Variants in DENND2B observed in about 807,000 individuals in gnomAD.
The protein encoded by DENND2B is DENN domain-containing protein 2B.
Under a neutral mutation model 116.0 loss-of-function variants are expected in DENND2B, and 32 were observed. That is an observed-to-expected ratio of 0.28 (90% CI 0.21 to 0.37). DENND2B has a LOEUF of 0.37. Ranked by LOEUF, DENND2B falls within the 10% of genes least tolerant of loss-of-function variation. The pLI, the probability that DENND2B is intolerant of heterozygous loss-of-function variation, is 1.00. For synonymous variants in DENND2B, 588 were observed against 583.9 expected (o/e 1.01, Z -0.10); for missense variants, 1,276 against 1,477.7 (o/e 0.86, Z 2.24).
At chr11:8,766,745 C>G (rs1213475873) in intron 1 of DENND2B, 1 of 1,212,542 alleles carries the variant, frequency 8.2e-7, no homozygotes, top group East Asian at 5.7e-5. Flanking sequence ...CAATAGTCAA[C>G]TGTTGTGATG....
upstream of DENND2B, chr11:8,811,043 T>G (rs2061349413): frequency 2.7e-6 from 1 of 367,676 alleles, no homozygotes; most frequent in South Asian, 1.5e-4. Context: ...TTTTTATAAC[T>G]TGGAAGAATC....
intron 3 of DENND2B, among the ~76,000 whole-genome samples, chr11:8,842,225 T>C (rs966087042): frequency 1.3e-5 from 2 of 152,228 alleles, no homozygotes; most frequent in Admixed American, 6.5e-5. Flanking sequence ...TTAGAGACTT[T>C]TTTAAAAACA....
intron 4 of DENND2B, among the ~76,000 whole-genome samples, chr11:8,834,538 C>T (rs2062343541): frequency 6.6e-6 from 1 of 152,222 alleles, no homozygotes; most frequent in Admixed American, 6.5e-5. Flanking sequence ...GTGTGACACA[C>T]AGTGCGAAAA....
chr11:8,822,870 A>G (rs1290576654), intron 4 of DENND2B, among the ~76,000 whole-genome samples: 1 of 152,244 alleles, frequency 6.6e-6, no homozygotes, highest in Non-Finnish European at 1.5e-5. Flanking sequence ...GTGCTCAAAA[A>G]ATATTTCTTA....
upstream of DENND2B, among the ~76,000 whole-genome samples, chr11:8,815,533 C>A (rs531688518): frequency 6.6e-6 from 1 of 152,262 alleles, no homozygotes; most frequent in African/African-American, 2.4e-5. Context: ...TTTTCCTCTC[C>A]CTCCCTCTAT....
chr11:8,802,454 G>A (rs2060439485), intron 1 of DENND2B, among the ~76,000 whole-genome samples: 1 of 152,198 alleles, frequency 6.6e-6, no homozygotes, highest in African/African-American at 2.4e-5. Context: ...ATGAGATAAT[G>A]CTACCACTGC....
intron 2 of DENND2B, among the ~76,000 whole-genome samples, chr11:8,748,681 G>A (rs2051760766): frequency 6.6e-6 from 1 of 150,656 alleles, no homozygotes; most frequent in African/African-American, 2.5e-5. Flanking sequence ...AGACTTAGAA[G>A]GGAGGCAGGA....
In DENND2B at chr11:8,871,318, A is replaced by G. The variant is rs111938864; in HGVS notation, c.-385+16T>C. On this transcript the variant is annotated intron_variant, in intron 1 of 6. Coordinates refer to the DENND2B transcript ENST00000524757. The stretch of plus-strand genomic sequence containing the variant: ...GCAGGGAGGAGAAGTTGGCCCCCAA[A>G]CTGGACGGCCCTCACCTCCTCACCA... 1,415 of 152,378 alleles carry G rather than the reference A, an allele frequency of 9.3e-3. 14 individuals carry two copies. Among genetic ancestry groups the G allele is most frequent in the Middle Eastern group, 0.024 (7 of 296 alleles). 9.4% of individuals were successfully genotyped at this position (152,378 alleles called of 1,614,324 possible). A position where few individuals can be genotyped will look rare whatever the true frequency, so the allele number is the denominator to read the frequency against.
intron 2 of DENND2B, among the ~76,000 whole-genome samples, chr11:8,731,503 A>C (rs184025580): frequency 6.6e-5 from 10 of 152,292 alleles, no homozygotes; most frequent in Non-Finnish European, 1.3e-4. Flanking sequence ...CCAAGAGTCT[A>C]ACATCTGCCA....
intron 1 of DENND2B, among the ~76,000 whole-genome samples, chr11:8,757,376 A>G (rs988569445): frequency 6.6e-6 from 1 of 152,132 alleles, no homozygotes; most frequent in Non-Finnish European, 1.5e-5. Flanking sequence ...CATTCCATTC[A>G]CTGACCCTAT....
chr11:8,747,707 A>G (rs1207716436), intron 2 of DENND2B, among the ~76,000 whole-genome samples: 2 of 152,230 alleles, frequency 1.3e-5, no homozygotes, highest in Non-Finnish European at 2.9e-5. Flanking sequence ...GGCCTCATCA[A>G]CAAAAGCGAA....
intron 2 of DENND2B, among the ~76,000 whole-genome samples, chr11:8,731,806 T>C (rs2048176204): frequency 6.6e-6 from 1 of 152,188 alleles, no homozygotes; most frequent in Admixed American, 6.5e-5. Context: ...ATATTCCAAC[T>C]ATGGCTGAGC....
At chr11:8,880,858 C>G (rs887010911) in intron 2 of DENND2B, among the ~76,000 whole-genome samples, 2 of 152,184 alleles carry the variant, frequency 1.3e-5, no homozygotes, top group Non-Finnish European at 2.9e-5. Flanking sequence ...TCCAACTACT[C>G]ACTCTCAGGA....
chr11:8,694,951 A>T (rs566564957), intron 19 of DENND2B, among the ~76,000 whole-genome samples: 14 of 152,132 alleles, frequency 9.2e-5, no homozygotes, highest in Admixed American at 1.3e-4. Flanking sequence ...AGTCCCAGCT[A>T]CTCAGGAGGT....
Position 8,779,501 on chromosome 11 carries a change from TC to T in DENND2B, c.-25-28777del, listed in dbSNP as rs1565931219. Among the ~76,000 whole-genome samples, 957 of 126,966 alleles carry T rather than the reference TC, an allele frequency of 7.5e-3. 12 individuals carry two copies. Among genetic ancestry groups the T allele is most frequent in the Middle Eastern group, 0.041 (10 of 246 alleles). 83.3% of individuals were successfully genotyped at this position (126,966 alleles called of 152,430 possible). A position where few individuals can be genotyped will look rare whatever the true frequency, so the allele number is the denominator to read the frequency against. On this transcript the variant is annotated intron_variant, in intron 1 of 19. Coordinates refer to ENST00000313726, the MANE Select transcript of DENND2B (RefSeq NM_213618.2). The stretch of plus-strand genomic sequence containing the variant: ...GGGTTTCCTTTTTCTTTCTTTTCTT[TC>T]TTTCTTTCTTTCTTTTTTTTTTTTT...
chr11:8,710,921 C>T lies in DENND2B; in HGVS notation c.2283-7G>A. The T allele has an allele frequency of 6.2e-7, 1 of 1,614,026 alleles. No individual in the cohort carries two copies. Among genetic ancestry groups the T allele is most frequent in the Non-Finnish European group, 8.5e-7 (1 of 1,179,962 alleles). ...CATGAAAGAAAAGGTCTCACTGGAA[C>T]AAAGAGAGGTCTGGCATCAGGGAGG... On this transcript the variant is annotated splice_polypyrimidine_tract_variant and splice_region_variant and intron_variant, in intron 10 of 19. Transcript: ENST00000313726.
chr11:8,847,234 A>G (rs545962965), intron 3 of DENND2B, among the ~76,000 whole-genome samples: 46 of 152,316 alleles, frequency 3.0e-4, no homozygotes, highest in African/African-American at 1.1e-3. Flanking sequence ...GCATTCTCCC[A>G]TCATGGGAGG....
chr11:8,756,647 A>G (rs1466638489), intron 1 of DENND2B, among the ~76,000 whole-genome samples: 4 of 152,328 alleles, frequency 2.6e-5, no homozygotes, highest in Admixed American at 2.0e-4. Flanking sequence ...GCTGAAGGCC[A>G]GGTTAACCCT....
At chr11:8,739,540 C>T (rs147323184) in intron 2 of DENND2B, among the ~76,000 whole-genome samples, 25 of 152,358 alleles carry the variant, frequency 1.6e-4, no homozygotes, top group Admixed American at 5.2e-4. Flanking sequence ...AGCCATCAGA[C>T]ACCCAAGACT....
Sources: allele counts gnomAD v4.1 joint callset (sites outside exome capture counted in the v4.1 genomes callset), GRCh38; gene constraint gnomAD v4.1.1; transcripts MANE v1.5; gene names NCBI Gene and HGNC (gene_info 2026-07-23, HGNC 2026-07-21).